The following FBLN2 variants were observed in gnomAD, a reference collection of about 807,000 sequenced individuals.
FBLN2 encodes fibulin-2.
FBLN2 carries 81 observed loss-of-function variants against 123.7 expected under a neutral mutation model. That is an observed-to-expected ratio of 0.65 (90% CI 0.55 to 0.79). FBLN2 has a LOEUF of 0.79. Ranked by LOEUF, FBLN2 falls within the 30% of genes least tolerant of loss-of-function variation. The probability of loss-of-function intolerance (pLI) is 0.00; values close to 1 mark genes in which losing one functional copy is unlikely to be tolerated. For synonymous variants in FBLN2, 699 were observed against 701.4 expected (o/e 1.00, Z 0.05); for missense variants, 1,603 against 1,681.3 (o/e 0.95, Z 0.81).
At chr3:13,596,178 T>C (rs1036945071) in intron 2 of FBLN2, among the ~76,000 whole-genome samples, 1 of 152,212 alleles carries the variant, frequency 6.6e-6, no homozygotes, top group African/African-American at 2.4e-5. Flanking sequence ...TTGCTCTGTC[T>C]CCAGGCTGGA....
At chr3:13,632,204 A>G (rs1706280868) in intron 16 of FBLN2, among the ~76,000 whole-genome samples, 1 of 152,200 alleles carries the variant, frequency 6.6e-6, no homozygotes, top group Admixed American at 6.5e-5. Context: ...AGGACACAGA[A>G]GGGGTCATTG....
chr3:13,627,988 G>A lies in FBLN2; in HGVS notation c.2569+19G>A. ...TGTGTGGGTGAGCGGGGGCTGCAGG[G>A]CTGGGGATCATCAGCCTAGGGCTCT... On this transcript the variant is annotated intron_variant, in intron 11 of 17. Coordinates refer to ENST00000404922, the MANE Select transcript of FBLN2 (RefSeq NM_001004019.2). 3 of 1,610,816 alleles carry A rather than the reference G, an allele frequency of 1.9e-6. No individual in the cohort carries two copies. The highest frequency in any genetic ancestry group is 2.2e-5 in the East Asian group (1 of 44,800).
chr3:13,614,061 C>T lies in FBLN2; in HGVS notation c.1626C>T (p.Gly542=). ...GQSCESNPNL[G]YPCNHVMLSC... Reference sequence around the variant, plus strand: ...CGTGTGAGTCCAATCCTAACCTGGGCTATCCCTGCAATCATGTCATGCTCT... The same window carrying T: ...CGTGTGAGTCCAATCCTAACCTGGGTTATCCCTGCAATCATGTCATGCTCT... Residue 542 remains glycine (G), a synonymous_variant, in exon 5 of 18, where the codon GGC becomes GGT. Coordinates refer to ENST00000404922, the MANE Select transcript of FBLN2 (RefSeq NM_001004019.2). 3 of 1,613,736 alleles carry T rather than the reference C, an allele frequency of 1.9e-6. No individual in the cohort carries two copies. Among genetic ancestry groups the T allele is most frequent in the Non-Finnish European group, 1.7e-6 (2 of 1,179,890 alleles).
chr3:13,569,210 A>C, intron 1 of FBLN2: 1 of 213,170 alleles, frequency 4.7e-6, no homozygotes, highest in Non-Finnish European at 7.9e-6. Flanking sequence ...AGGGGAGAAG[A>C]GCCCTTGGGG....
rs923479265 is a variant in FBLN2, at chr3:13,570,307, T to A, written c.-41-8T>A. The A allele has an allele frequency of 1.0e-5, 15 of 1,466,076 alleles. No individual in the cohort carries two copies. Among genetic ancestry groups the A allele is most frequent in the Non-Finnish European group, 1.2e-5 (13 of 1,106,146 alleles). The allele number at this position is 1,466,076 out of a possible 1,614,324, so 90.8% of individuals were successfully genotyped here. On this transcript the variant is annotated splice_polypyrimidine_tract_variant and splice_region_variant and intron_variant, in intron 1 of 17. Transcript: ENST00000404922. The stretch of plus-strand genomic sequence containing the variant: ...AGTACTGACAGGCTTCCTTTCTGAT[T>A]CCCCCAGGGTCTTACAGGAGAGGGG...
At chr3:13,609,688 G>GGGGGGGGGGGGGGGGGGGGCC in intron 4 of FBLN2, 46 bp downstream of exon 4, 3 of 512,600 alleles carry the variant, frequency 5.9e-6, no homozygotes, top group East Asian at 6.7e-5. Context: ...GTGGGGCGGG[G>GGGGGGGGGGGGGGGGGGGGCC]CGGGAGGCTG....
intron 16 of FBLN2, among the ~76,000 whole-genome samples, chr3:13,632,573 T>C (rs1269793641): frequency 1.3e-5 from 2 of 152,194 alleles, no homozygotes; most frequent in Non-Finnish European, 2.9e-5. Context: ...TCCATTAGCA[T>C]AGAACAGAAA....
rs954635803 is a variant in FBLN2, at chr3:13,638,333, A to G, written c.*414A>G. On this transcript the variant is annotated 3_prime_UTR_variant, in exon 18 of 18. Transcript: ENST00000404922. ...ATTTTAAAGTTTTTTGTTTAACTAT[A>G]AAGTAGTACATGTACATTATATAAA... is the stretch of plus-strand genomic sequence containing the variant. 6.9e-5 allele frequency: 28 copies of G among 402,940 alleles called. No homozygotes were observed. The highest frequency in any genetic ancestry group is 6.0e-5 in the Non-Finnish European group (13 of 216,374). 25.0% of individuals were successfully genotyped at this position (402,940 alleles called of 1,614,324 possible).
chr3:13,582,944 C>T (rs1208131131), intron 2 of FBLN2, among the ~76,000 whole-genome samples: 1 of 152,266 alleles, frequency 6.6e-6, no homozygotes, highest in Non-Finnish European at 1.5e-5. Flanking sequence ...GGAGCCAGGC[C>T]TGGCAGGGTT....
At chr3:13,560,900 A>C (rs902528862) in intron 1 of FBLN2, among the ~76,000 whole-genome samples, 1 of 152,052 alleles carries the variant, frequency 6.6e-6, no homozygotes, top group African/African-American at 2.4e-5. Context: ...TGCAGCCTCC[A>C]ACTCCTGGGC....
At chr3:13,600,064 A>G (rs1372298801) in intron 2 of FBLN2, among the ~76,000 whole-genome samples, 1 of 144,966 alleles carries the variant, frequency 6.9e-6, no homozygotes, top group African/African-American at 2.7e-5. Context: ...AGAGAGAGCG[A>G]TAGAGAGAGA....
chr3:13,556,861 T>C (rs1036033876), intron 1 of FBLN2, among the ~76,000 whole-genome samples: 1 of 152,266 alleles, frequency 6.6e-6, no homozygotes, highest in Non-Finnish European at 1.5e-5. Context: ...TCAGGAGACG[T>C]AGGGGCCCCA....
chr3:13,603,216 T>C (rs1047416245), intron 2 of FBLN2, among the ~76,000 whole-genome samples: 2 of 140,274 alleles, frequency 1.4e-5, no homozygotes, highest in African/African-American at 5.6e-5. Flanking sequence ...TGGCCTCCTT[T>C]TTTCTTTCTT....
intron 1 of FBLN2, among the ~76,000 whole-genome samples, chr3:13,566,724 T>C (rs1703758922): frequency 6.6e-6 from 1 of 152,200 alleles, no homozygotes; most frequent in African/African-American, 2.4e-5. Context: ...TCACACCCCA[T>C]GTGACATCTC....
chr3:13,562,228 G>A (rs1309467246), intron 1 of FBLN2, among the ~76,000 whole-genome samples: 1 of 152,126 alleles, frequency 6.6e-6, no homozygotes, highest in East Asian at 1.9e-4. Context: ...CTTATTTCCT[G>A]TCCATCTTCA....
chr3:13,632,689 T>A (rs75252017), intron 16 of FBLN2, among the ~76,000 whole-genome samples: 13,754 of 151,844 alleles, frequency 0.091, 935 homozygotes, highest in Non-Finnish European at 0.13. Context: ...GCACAAGGAG[T>A]CCTTTGTGTG....
chr3:13,633,503 C>T (rs375256514), intron 16 of FBLN2, among the ~76,000 whole-genome samples: 52 of 152,356 alleles, frequency 3.4e-4, no homozygotes, highest in African/African-American at 1.2e-3. Flanking sequence ...TGGGGGCTGC[C>T]GGCTCCCCGG....
chr3:13,573,294 C>T (rs1028451070), intron 2 of FBLN2, among the ~76,000 whole-genome samples: 1 of 152,072 alleles, frequency 6.6e-6, no homozygotes, highest in Non-Finnish European at 1.5e-5. Flanking sequence ...TTTCCCCCGC[C>T]TGGAGCACCC....
intron 1 of FBLN2, among the ~76,000 whole-genome samples, chr3:13,559,884 C>T (rs1027169334): frequency 3.9e-5 from 6 of 152,098 alleles, no homozygotes; most frequent in Non-Finnish European, 8.8e-5. Context: ...GATTAGGACT[C>T]CCCCCGCCCC....
Sources: gnomAD v4.1 joint callset for allele counts (sites outside exome capture counted in the v4.1 genomes callset) on GRCh38, gnomAD v4.1.1 for gene constraint, MANE v1.5 for transcripts, NCBI Gene and HGNC (gene_info 2026-07-23, HGNC 2026-07-21) for gene names.